The following TRIM52 variants were observed in gnomAD, a reference collection of about 807,000 sequenced individuals.
TRIM52 encodes E3 ubiquitin-protein ligase TRIM52.
A neutral mutation model predicts 27.0 loss-of-function variants in TRIM52; 24 were observed. The ratio of observed to expected loss-of-function variants is 0.89; its 90% CI spans 0.64 to 1.25. The LOEUF (loss-of-function observed/expected upper bound fraction) is 1.25, where lower values mean the gene tolerates loss of function less well. Among genes scored for constraint, TRIM52 ranks in the 50% most tolerant of loss-of-function variants. The probability of loss-of-function intolerance (pLI) is 0.00; values close to 1 mark genes in which losing one functional copy is unlikely to be tolerated. For missense variants in TRIM52, 351 were observed against 354.7 expected (o/e 0.99, Z 0.08); for synonymous variants, 125 against 126.5 (o/e 0.99, Z 0.08).
chr5:181,250,912 C>T (rs1759621320), downstream of TRIM52, among the ~76,000 whole-genome samples: 1 of 152,120 alleles, frequency 6.6e-6, no homozygotes, highest in Non-Finnish European at 1.5e-5. Context: ...CACCTGGATC[C>T]CTCCTTATCT....
Position 181,260,700 on chromosome 5 carries a change from G to C in TRIM52, c.114C>G (p.Asn38Lys), listed in dbSNP as rs1760023973. The C allele has an allele frequency of 6.2e-7, 1 of 1,613,990 alleles. No homozygotes were observed. The highest frequency in any genetic ancestry group is 1.7e-5 in the Admixed American group (1 of 59,994). Residue 38 changes from asparagine to lysine, a missense_variant, in exon 1 of 2, where the codon AAC (asparagine) becomes AAG (lysine). Coordinates refer to ENST00000688015, the MANE Select transcript of TRIM52 (RefSeq NM_001346048.2). The surrounding 1 kb of genome is among the most constrained non-coding windows in gnomAD (Gnocchi z 4.4). ...GCTGGGTCACACACCCTCGGCAGAAGTTGTGCCCACAGCTGATGGACACGG... is the reference window on the plus strand; with the variant it reads ...GCTGGGTCACACACCCTCGGCAGAACTTGTGCCCACAGCTGATGGACACGG... ...KDPVSISCGH[N>K]FCRGCVTQLW...
downstream of TRIM52, among the ~76,000 whole-genome samples, chr5:181,252,640 A>G (rs957025173): frequency 6.6e-6 from 1 of 152,242 alleles, no homozygotes; most frequent in Admixed American, 6.5e-5. Context: ...CATAGAATCT[A>G]CAAGTCTTAT....
In TRIM52 at chr5:181,255,553, G is replaced by A. The variant is rs1759741086; in HGVS notation, c.*1256C>T. On this transcript the variant is annotated 3_prime_UTR_variant, in exon 2 of 2. Coordinates refer to ENST00000688015, the MANE Select transcript of TRIM52 (RefSeq NM_001346048.2). Reference sequence around the variant, plus strand: ...CTGGTAGATTTTAAGAACAAGCTCAGGAGCACATCACTCAAAATAATTCCA... The same window carrying A: ...CTGGTAGATTTTAAGAACAAGCTCAAGAGCACATCACTCAAAATAATTCCA... 6.6e-6 allele frequency: 1 copy of A among 152,176 alleles called. No individual in the cohort carries two copies. The highest frequency in any genetic ancestry group is 6.5e-5 in the Admixed American group (1 of 15,280). 9.4% of individuals were successfully genotyped at this position (152,176 alleles called of 1,614,324 possible).
intron 1 of TRIM52, chr5:181,257,360 T>C (rs1351086670): frequency 1.3e-6 from 2 of 1,524,220 alleles, no homozygotes; most frequent in East Asian, 2.3e-5. Flanking sequence ...GCTATATAAA[T>C]GGAATCATAT....
intron 1 of TRIM52, chr5:181,257,522 A>G: frequency 1.9e-6 from 3 of 1,576,300 alleles, no homozygotes; most frequent in Middle Eastern, 3.4e-4. Context: ...AAGTTTTTTT[A>G]ACATTGTAAC....
intron 1 of TRIM52, chr5:181,257,299 A>G: frequency 7.6e-7 from 1 of 1,321,972 alleles, no homozygotes; most frequent in Non-Finnish European, 9.7e-7. Context: ...AAATTTTAAA[A>G]GAACATTGAC....
At chr5:181,250,216 G>A (rs1294096531), downstream of TRIM52, among the ~76,000 whole-genome samples, 1 of 152,096 alleles carries the variant, frequency 6.6e-6, no homozygotes, top group Admixed American at 6.6e-5. Flanking sequence ...GCTGTGGAAA[G>A]GGGATGGTCC....
intron 1 of TRIM52, chr5:181,257,749 T>C: frequency 4.4e-6 from 1 of 226,724 alleles, no homozygotes; most frequent in South Asian, 7.9e-5. Flanking sequence ...CCCAGCACTT[T>C]GGGAGGCCGA....
chr5:181,252,517 C>T (rs1018364118), downstream of TRIM52, among the ~76,000 whole-genome samples: 7 of 152,198 alleles, frequency 4.6e-5, no homozygotes, highest in African/African-American at 1.7e-4. Flanking sequence ...GGAGGACTAG[C>T]GTCTTTAGCT....
chr5:181,260,385 C>T lies in TRIM52; in HGVS notation c.429G>A (p.Leu143=), dbSNP rs1283570542. ...DYYLGGLRPD[L]RIDVYREEEI... ...CTTCTTCTCGGTAGACATCAATTCT[C>T]AGGTCAGGTCTCAAGCCTCCTAGGT... The change falls in exon 1 of 2, where the codon CTG becomes CTA. Residue 143 remains leucine, a synonymous_variant. Coordinates refer to ENST00000688015, the MANE Select transcript of TRIM52 (RefSeq NM_001346048.2). The surrounding 1 kb of genome is among the most constrained non-coding windows in gnomAD (Gnocchi z 4.4). 5 of 1,613,992 alleles carry T rather than the reference C, an allele frequency of 3.1e-6. No homozygotes were observed. The highest frequency in any genetic ancestry group is 1.1e-5 in the South Asian group (1 of 91,064).
downstream of TRIM52, among the ~76,000 whole-genome samples, chr5:181,252,649 A>G (rs183834354): frequency 3.9e-5 from 6 of 152,354 alleles, no homozygotes; most frequent in East Asian, 1.2e-3. Context: ...TACAAGTCTT[A>G]TAGGAGTTTC....
downstream of TRIM52, chr5:181,254,771 G>A (rs1371009716): frequency 6.6e-6 from 1 of 152,362 alleles, no homozygotes; most frequent in African/African-American, 2.4e-5. Flanking sequence ...GAAAAAATAT[G>A]GAGTCAGTGA....
At chr5:181,257,124 A>C (rs749648561) in intron 1 of TRIM52, 51 of 1,079,162 alleles carry the variant, frequency 4.7e-5, no homozygotes, top group Non-Finnish European at 5.3e-5. Context: ...AAAACCTGAC[A>C]CCATTTAATG....
chr5:181,260,353 A>C lies in TRIM52; in HGVS notation c.461T>G (p.Leu154Arg). The change falls in exon 1 of 2, where the codon CTG becomes CGG. Residue 154 changes from leucine (L) to arginine (R), a missense_variant. Coordinates refer to ENST00000688015, the MANE Select transcript of TRIM52 (RefSeq NM_001346048.2). This position sits in a 1 kb window ranked among gnomAD's most constrained non-coding sequence, Gnocchi z 4.4. ...ATCTTCGTCCTCATCGTATGCTTCC[A>C]GTATTTCTTCTTCTCGGTAGACATC... is the stretch of plus-strand genomic sequence containing the variant. ...RIDVYREEEI[L>R]EAYDEDEDEE... The C allele has an allele frequency of 6.2e-7, 1 of 1,613,950 alleles. No individual in the cohort carries two copies. The highest frequency in any genetic ancestry group is 8.5e-7 in the Non-Finnish European group (1 of 1,179,970).
At chr5:181,253,787 A>G (rs1759689665), downstream of TRIM52, among the ~76,000 whole-genome samples, 1 of 142,202 alleles carries the variant, frequency 7.0e-6, no homozygotes, top group East Asian at 2.2e-4. Flanking sequence ...TGAGCCCACC[A>G]GGAGTTCAAG....
At chr5:181,254,728 G>C (rs763480831), downstream of TRIM52, 4 of 152,238 alleles carry the variant, frequency 2.6e-5, no homozygotes, top group Non-Finnish European at 4.4e-5. Flanking sequence ...CAGTAGGATA[G>C]TAAGGCTGTT....
chr5:181,249,104 G>A (rs1416113686), downstream of TRIM52, among the ~76,000 whole-genome samples: 3 of 152,148 alleles, frequency 2.0e-5, no homozygotes, highest in East Asian at 1.9e-4. Flanking sequence ...TGCTAAAAAC[G>A]CACTTATTGT....
At chr5:181,259,401 T>C (rs1759930534) in intron 1 of TRIM52, 1 of 163,764 alleles carries the variant, frequency 6.1e-6, no homozygotes, top group Non-Finnish European at 1.4e-5. Flanking sequence ...ATGAGGCACA[T>C]TCTGATCCAT....
downstream of TRIM52, among the ~76,000 whole-genome samples, chr5:181,249,804 A>G (rs1056381156): frequency 2.0e-5 from 3 of 151,712 alleles, no homozygotes; most frequent in African/African-American, 7.3e-5. Context: ...CAAATCTTAC[A>G]AAGAGATCAG....
Sources: allele counts gnomAD v4.1 joint callset (sites outside exome capture counted in the v4.1 genomes callset), GRCh38; gene constraint gnomAD v4.1.1; non-coding constraint Gnocchi (gnomAD v3.1); transcripts MANE v1.5; gene names NCBI Gene and HGNC (gene_info 2026-07-23, HGNC 2026-07-21).